Variants in ANKRD13B observed in about 807,000 individuals in gnomAD.
The protein encoded by ANKRD13B is ankyrin repeat domain-containing protein 13B.
ANKRD13B carries 33 observed loss-of-function variants against 74.4 expected under a neutral mutation model. The observed-to-expected ratio is 0.44, with a 90% CI of 0.34 to 0.59. The LOEUF is 0.59. Among genes scored for constraint, ANKRD13B ranks in the 20% least tolerant of loss-of-function variants. ANKRD13B has a pLI of 0.02. For missense variants in ANKRD13B, 676 were observed against 877.9 expected (o/e 0.77, Z 2.91); for synonymous variants, 341 against 362.9 (o/e 0.94, Z 0.68).
Position 29,612,839 on chromosome 17 carries a change from G to GC in ANKRD13B, c.1575+26dup. On this transcript the variant is annotated intron_variant, in intron 13 of 14. Coordinates refer to ENST00000394859, the MANE Select transcript of ANKRD13B (RefSeq NM_152345.5). This position sits in a 1 kb window ranked among gnomAD's most constrained non-coding sequence, Gnocchi z 6.1. ...AGGTGCGTCTCCGCGGGCGCGCGGG[G>GC]CCACGGGACTCCGCGCCGCCACGGC... 1 of 1,600,536 alleles carries GC rather than the reference G, an allele frequency of 6.2e-7. No individual in the cohort carries two copies. The highest frequency in any genetic ancestry group is 8.5e-7 in the Non-Finnish European group (1 of 1,178,688).
intron 1 of ANKRD13B, 53 bp downstream of exon 1, chr17:29,593,788 C>T: frequency 1.7e-6 from 2 of 1,146,958 alleles, no homozygotes; most frequent in Non-Finnish European, 2.2e-6. Context: ...CACGCCCGTC[C>T]GGCCTGGGGA....
At position 29,612,317 on chromosome 17, in the gene ANKRD13B, C is replaced by A; in HGVS notation, c.1258+44C>A. 1.2e-6 allele frequency: 2 copies of A among 1,612,334 alleles called. No homozygotes were observed. The highest frequency in any genetic ancestry group is 2.2e-5 in the South Asian group (2 of 91,036). On this transcript the variant is annotated intron_variant, in intron 11 of 14. Coordinates refer to ENST00000394859, the MANE Select transcript of ANKRD13B (RefSeq NM_152345.5). The surrounding 1 kb of genome is among the most constrained non-coding windows in gnomAD (Gnocchi z 6.1). ...TTCTCCTGAGCCCGTGGCGGGCCGA[C>A]CGGGGTTTAGATGAGGTCGGGGTGG...
intron 1 of ANKRD13B, among the ~76,000 whole-genome samples, chr17:29,600,534 C>G (rs2034133375): frequency 6.6e-6 from 1 of 152,172 alleles, no homozygotes; most frequent in Admixed American, 6.5e-5. Context: ...GAGTCCAGAG[C>G]ATCTCATGCC....
At position 29,613,635 on chromosome 17, in the gene ANKRD13B, G is replaced by C; in HGVS notation, c.*53G>C. 1 of 1,385,736 alleles carries C rather than the reference G, an allele frequency of 7.2e-7. No individual in the cohort carries two copies. Among genetic ancestry groups the C allele is most frequent in the Non-Finnish European group, 9.3e-7 (1 of 1,073,482 alleles). The allele number at this position is 1,385,736 out of a possible 1,614,324, so 85.8% of individuals were successfully genotyped here. On this transcript the variant is annotated 3_prime_UTR_variant, in exon 15 of 15. Transcript: ENST00000394859. The stretch of plus-strand genomic sequence containing the variant: ...CCACGCGCGCCACGCCCAGGGCCAG[G>C]AGCCAGACAAACCCCGGCCTGCGCG...
Position 29,611,640 on chromosome 17 carries a change from T to C in ANKRD13B, c.966T>C (p.Asn322=). 4.3e-6 allele frequency: 7 copies of C among 1,613,986 alleles called. No homozygotes were observed. The highest frequency in any genetic ancestry group is 5.9e-6 in the Non-Finnish European group (7 of 1,179,918). ...CTGAGCAGCACGGGGGCCCCCAAAA[T>C]GGGGTGAGTGTGTGCAGGGGTACCC... ...GIAEQHGGPQ[N]GTLITQTLSQ... The change falls in exon 9 of 15, where the codon AAT becomes AAC. Residue 322 remains asparagine, a synonymous_variant. Coordinates refer to ENST00000394859, the MANE Select transcript of ANKRD13B (RefSeq NM_152345.5). The surrounding 1 kb of genome is among the most constrained non-coding windows in gnomAD (Gnocchi z 4.3).
In ANKRD13B at chr17:29,608,162, G is replaced by A; in HGVS notation, c.376-33G>A. ...GGGAGCCCTTGAGCCCTTCTCCAGT[G>A]CAGACTTAGCCTCTCTCCCCTTCGT... On this transcript the variant is annotated intron_variant, in intron 3 of 14. Coordinates refer to ENST00000394859, the MANE Select transcript of ANKRD13B (RefSeq NM_152345.5). This position sits in a 1 kb window ranked among gnomAD's most constrained non-coding sequence, Gnocchi z 6.4. 1 of 1,614,200 alleles carries A rather than the reference G, an allele frequency of 6.2e-7. No individual in the cohort carries two copies. The highest frequency in any genetic ancestry group is 8.5e-7 in the Non-Finnish European group (1 of 1,180,036).
intron 1 of ANKRD13B, among the ~76,000 whole-genome samples, chr17:29,598,232 C>G (rs1220742246): frequency 6.6e-6 from 1 of 152,038 alleles, no homozygotes; most frequent in African/African-American, 2.4e-5. Context: ...TTGAGGCTCC[C>G]AGTATATTGA....
In ANKRD13B at chr17:29,611,425, C is replaced by T. The variant is rs571881949; in HGVS notation, c.905-154C>T. On this transcript the variant is annotated intron_variant, in intron 8 of 14. Coordinates refer to ENST00000394859, the MANE Select transcript of ANKRD13B (RefSeq NM_152345.5). This position sits in a 1 kb window ranked among gnomAD's most constrained non-coding sequence, Gnocchi z 4.3. ...CCCTGGTCCTTGAAGCACTCAGTCCCCTTCAGGTGAAGGTGCCTGAGTATG... is the reference window on the plus strand; with the variant it reads ...CCCTGGTCCTTGAAGCACTCAGTCCTCTTCAGGTGAAGGTGCCTGAGTATG... 2.0e-5 allele frequency among the ~76,000 whole-genome samples: 3 copies of T among 152,220 alleles called. No homozygotes were observed. The highest frequency in any genetic ancestry group is 6.5e-5 in the Admixed American group (1 of 15,280).
chr17:29,613,024 G>C (rs552459618), intron 14 of ANKRD13B, 61 bp downstream of exon 14: 2 of 1,553,350 alleles, frequency 1.3e-6, no homozygotes, highest in African/African-American at 2.7e-5. Context: ...CCTAAGCCAG[G>C]ACACAGCCGG....
intron 1 of ANKRD13B, among the ~76,000 whole-genome samples, chr17:29,598,005 C>A (rs1406508611): frequency 6.6e-6 from 1 of 150,988 alleles, no homozygotes; most frequent in Non-Finnish European, 1.5e-5. Context: ...GCTGCAGCAT[C>A]TGGGGCAGGG....
chr17:29,594,847 A>C (rs1028492755), intron 1 of ANKRD13B, among the ~76,000 whole-genome samples: 8 of 152,224 alleles, frequency 5.3e-5, no homozygotes, highest in Non-Finnish European at 1.0e-4. Flanking sequence ...GAGCTGTGCA[A>C]TCGCCAAGGG....
rs1416794860 is a variant in ANKRD13B at position 29,611,164 on chromosome 17, ACCGTGTC to A, written c.904+400_904+406del. On this transcript the variant is annotated intron_variant, in intron 8 of 14. Coordinates refer to ENST00000394859, the MANE Select transcript of ANKRD13B (RefSeq NM_152345.5). The surrounding 1 kb of genome is among the most constrained non-coding windows in gnomAD (Gnocchi z 4.3). Reference sequence around the variant, plus strand: ...ACACCTGATTCTCTGGGTACCAGATACCGTGTCCGAGGTGAAAAAGCATAATTTCTAC... The same window carrying A: ...ACACCTGATTCTCTGGGTACCAGATACGAGGTGAAAAAGCATAATTTCTAC... Among the ~76,000 whole-genome samples, 3 of 152,170 alleles carry A rather than the reference ACCGTGTC, an allele frequency of 2.0e-5. No individual in the cohort carries two copies. Among genetic ancestry groups the A allele is most frequent in the African/African-American group, 7.2e-5 (3 of 41,436 alleles).
rs1326129362 is a variant in ANKRD13B, at chr17:29,593,795, GGGA to G, written c.114+63_114+65del. ...CGGCCGGGCACGCCCGTCCGGCCTG[GGGA>G]GGGGGTGCGGCGCGGGCTGTCCCGC... On this transcript the variant is annotated intron_variant, in intron 1 of 14. Coordinates refer to ENST00000394859, the MANE Select transcript of ANKRD13B (RefSeq NM_152345.5). 1.0e-3 allele frequency: 1,102 copies of G among 1,074,106 alleles called. 7 individuals are homozygous for G. In the African/African-American group the frequency reaches 0.018, roughly 17 times the overall value. 66.5% of individuals were successfully genotyped at this position (1,074,106 alleles called of 1,614,324 possible).
Position 29,593,213 on chromosome 17 carries a change from C to T in ANKRD13B, c.-409C>T, listed in dbSNP as rs1297328077. Reference sequence around the variant, plus strand: ...GCCGGGCTATGCAGCTGTGGGGACCCGGGGGCTGCGGGCGCGCGTCCCTGC... The same window carrying T: ...GCCGGGCTATGCAGCTGTGGGGACCTGGGGGCTGCGGGCGCGCGTCCCTGC... On this transcript the variant is annotated 5_prime_UTR_variant, in exon 1 of 15. Transcript: ENST00000394859. Among the ~76,000 whole-genome samples the T allele has an allele frequency of 6.7e-6, 1 of 150,162 alleles. No homozygotes were observed. The highest frequency in any genetic ancestry group is 2.4e-5 in the African/African-American group (1 of 41,146).
chr17:29,613,381 G>C lies in ANKRD13B; in HGVS notation c.1680G>C (p.Gln560His), dbSNP rs1189911634. ...DRSAPPTPQR[Q>H]PAPPASVPSP... ...GCGCCCCGCCCACGCCGCAGCGCCA[G>C]CCTGCGCCCCCGGCGTCAGTGCCCA... Residue 560 changes from glutamine to histidine, a missense_variant, in exon 15 of 15, where the codon CAG becomes CAC. Physicochemically the swap from Gln to His is conservative, Grantham distance 24. Around this residue, in one of 4 missense-constraint regions of ANKRD13B, gnomAD observed 152 missense variants for 181.4 expected, o/e 0.84. Coordinates refer to ENST00000394859, the MANE Select transcript of ANKRD13B (RefSeq NM_152345.5). 1 of 1,481,502 alleles carries C rather than the reference G, an allele frequency of 6.7e-7. No individual in the cohort carries two copies. The highest frequency in any genetic ancestry group is 8.9e-7 in the Non-Finnish European group (1 of 1,122,420). The allele number at this position is 1,481,502 out of a possible 1,614,324, so 91.8% of individuals were successfully genotyped here. A position where few individuals can be genotyped will look rare whatever the true frequency, so the allele number is the denominator to read the frequency against.
At position 29,608,747 on chromosome 17, in the gene ANKRD13B, T is replaced by A. The variant is rs911431942; in HGVS notation, c.422-104T>A. ...AGAGGCTGCTCTCTCTTCAGTTCCC[T>A]CCCCTGTTCCTGGCCACACGGATCC... On this transcript the variant is annotated intron_variant, in intron 4 of 14. Transcript: ENST00000394859. The surrounding 1 kb of genome is among the most constrained non-coding windows in gnomAD (Gnocchi z 6.4). The A allele has an allele frequency of 2.0e-6, 3 of 1,467,060 alleles. No individual in the cohort carries two copies. Among genetic ancestry groups the A allele is most frequent in the Non-Finnish European group, 2.8e-6 (3 of 1,082,016 alleles). The allele number at this position is 1,467,060 out of a possible 1,614,324, so 90.9% of individuals were successfully genotyped here.
In ANKRD13B at chr17:29,613,688, G is replaced by A; in HGVS notation, c.*106G>A. 1 of 1,366,976 alleles carries A rather than the reference G, an allele frequency of 7.3e-7. No homozygotes were observed. The highest frequency in any genetic ancestry group is 1.7e-5 in the South Asian group (1 of 60,082). 84.7% of individuals were successfully genotyped at this position (1,366,976 alleles called of 1,614,324 possible). A position where few individuals can be genotyped will look rare whatever the true frequency, so the allele number is the denominator to read the frequency against. Reference sequence around the variant, plus strand: ...TGCAGAGCGGCGGCTGGAGACTGGAGCCACCGCCTCGCGGGTGCAGCAGCA... The same window carrying A: ...TGCAGAGCGGCGGCTGGAGACTGGAACCACCGCCTCGCGGGTGCAGCAGCA... On this transcript the variant is annotated 3_prime_UTR_variant, in exon 15 of 15. Coordinates refer to ENST00000394859, the MANE Select transcript of ANKRD13B (RefSeq NM_152345.5).
chr17:29,600,921 ACT>A, intron 1 of ANKRD13B, among the ~76,000 whole-genome samples: 1 of 126,162 alleles, frequency 7.9e-6, no homozygotes, highest in East Asian at 2.2e-4. Context: ...TATTTTACTG[ACT>A]TTTTTTTTTT....
Position 29,609,054 on chromosome 17 carries a change from CT to C in ANKRD13B, c.566-31del. ...GATGGGAGGCAGCCCCAGGCCACCCCTGATCCCCCTGTGCTGTTCCGTGTCT... is the reference window on the plus strand; with the variant it reads ...GATGGGAGGCAGCCCCAGGCCACCCCGATCCCCCTGTGCTGTTCCGTGTCT... On this transcript the variant is annotated intron_variant, in intron 5 of 14. Transcript: ENST00000394859. This position sits in a 1 kb window ranked among gnomAD's most constrained non-coding sequence, Gnocchi z 4.0. The C allele has an allele frequency of 6.2e-7, 1 of 1,612,388 alleles. No homozygotes were observed. The highest frequency in any genetic ancestry group is 1.1e-5 in the South Asian group (1 of 91,062).
Sources: gnomAD v4.1 joint callset for allele counts (sites outside exome capture counted in the v4.1 genomes callset) on GRCh38, gnomAD v4.1.1 for gene constraint, gnomAD v4.1.1 regional missense constraint, Gnocchi (gnomAD v3.1) non-coding constraint, MANE v1.5 for transcripts, NCBI Gene and HGNC (gene_info 2026-07-23, HGNC 2026-07-21) for gene names.